ZMAT1: variants seen among roughly 807,000 people sequenced by gnomAD.
ZMAT1 encodes zinc finger matrin-type protein 1.
A neutral mutation model predicts 18.5 loss-of-function variants in ZMAT1; 11 were observed. That is an observed-to-expected ratio of 0.59 (90% CI 0.37 to 0.98). ZMAT1 has a LOEUF of 0.98. Ranked by LOEUF, ZMAT1 falls within the 50% of genes least tolerant of loss-of-function variation. ZMAT1 has a pLI of 0.01. For missense variants in ZMAT1, 525 were observed against 496.2 expected (o/e 1.06, Z -0.55); for synonymous variants, 211 against 176.4 (o/e 1.20, Z -1.55).
chrX:101,895,427 G>A (rs1927728133), intron 4 of ZMAT1, among the ~76,000 whole-genome samples: 1 of 111,113 alleles, frequency 9.0e-6, no homozygotes, highest in Non-Finnish European at 1.9e-5. Context: ...CCTAGGAAAT[G>A]AACAGATCAA....
chrX:101,923,234 T>C (rs781423917), intron 1 of ZMAT1, among the ~76,000 whole-genome samples: 1 of 111,917 alleles, frequency 8.9e-6, no homozygotes, highest in Non-Finnish European at 1.9e-5. Context: ...TTTATACTGA[T>C]TCTTAATTCC....
rs766632977 is a variant in ZMAT1 at position 101,931,904 on chromosome X, T to C, written c.105A>G (p.Ala35=). The change falls in exon 1 of 6, where the codon GCA becomes GCG. Residue 35 remains alanine, a synonymous_variant. Transcript: ENST00000651725. ...ASSSSYTACA[A]AAAAAAAAAV... is the part of the protein sequence containing the mutation. ...CCGCCGCCGCCGCCGCCGCCGCCGCTGCCGCGCAGGCGGTGTAGGAGGAGG... is the reference window on the plus strand; with the variant it reads ...CCGCCGCCGCCGCCGCCGCCGCCGCCGCCGCGCAGGCGGTGTAGGAGGAGG... 21 of 796,590 alleles carry C rather than the reference T, an allele frequency of 2.6e-5. No homozygotes were observed. Among genetic ancestry groups the C allele is most frequent in the South Asian group, 1.9e-4 (4 of 20,932 alleles). The allele number at this position is 796,590 out of a possible 1,213,427, so 65.6% of individuals were successfully genotyped here.
intron 1 of ZMAT1, among the ~76,000 whole-genome samples, chrX:101,913,636 G>A (rs774826992): frequency 5.4e-4 from 60 of 111,678 alleles, no homozygotes; most frequent in Middle Eastern, 4.6e-3. Context: ...GCCAGAGGGA[G>A]GACATAACAA....
intron 1 of ZMAT1, 113 bp from the exon 2 acceptor site, chrX:101,904,443 G>C (rs1928461310): frequency 7.3e-6 from 4 of 548,489 alleles, no homozygotes; most frequent in Non-Finnish European, 1.1e-5. Context: ...TTGAGTGCTT[G>C]TGAGGCTACA....
chrX:101,884,353 A>G lies in ZMAT1; in HGVS notation c.1245T>C (p.His415=), dbSNP rs376194900. 9.1e-6 allele frequency: 11 copies of G among 1,209,109 alleles called. No homozygotes were observed. The African/African-American group carries it at 1.9e-4, about 21-fold the overall frequency. The part of the protein sequence containing the change: ...RSRMCEQRFS[H]EASQTYQRPY... ...GTCGTTGGTAGGTCTGGGAAGCCTC[A>G]TGTGAAAATCTTTGCTCACACATTC... The change falls in exon 6 of 6, where the codon CAT becomes CAC. Residue 415 remains histidine, a synonymous_variant. Coordinates refer to ENST00000651725, the MANE Select transcript of ZMAT1 (RefSeq NM_001394560.1).
intron 1 of ZMAT1, among the ~76,000 whole-genome samples, chrX:101,924,331 C>T (rs1929924707): frequency 9.0e-6 from 1 of 111,342 alleles, no homozygotes; most frequent in Admixed American, 9.6e-5. Flanking sequence ...AGGCTGGTCT[C>T]GAACTCTTGA....
In ZMAT1 at chrX:101,911,976, T is replaced by G. The variant is rs1291182721; in HGVS notation, c.293-7646A>C. On this transcript the variant is annotated intron_variant, in intron 1 of 5. Coordinates refer to ENST00000651725, the MANE Select transcript of ZMAT1 (RefSeq NM_001394560.1). Reference sequence around the variant, plus strand: ...ACCCACCTCACTCAGCACCGGAGGATCCACACAGGAGAGAAGCCATATGTG... The same window carrying G: ...ACCCACCTCACTCAGCACCGGAGGAGCCACACAGGAGAGAAGCCATATGTG... 2.5e-6 allele frequency: 3 copies of G among 1,199,206 alleles called. No homozygotes were observed. In the African/African-American group the frequency reaches 5.3e-5, roughly 21 times the overall value.
In ZMAT1 at chrX:101,931,839, G is replaced by T; in HGVS notation, c.170C>A (p.Ala57Asp). ...VPASSATSAP[A>D]CPPAGGCGDG... ...GCCACAGCCACCGGCAGGCGGGCAG[G>T]CAGGGGCGGAGGTGGCGGAGGAGGC... The change falls in exon 1 of 6, where the codon GCC becomes GAC. Residue 57 changes from alanine to aspartate, a missense_variant. By Grantham distance (126) the Ala-to-Asp change is moderately radical (BLOSUM62 -2). Coordinates refer to ENST00000651725, the MANE Select transcript of ZMAT1 (RefSeq NM_001394560.1). 1 of 787,497 alleles carries T rather than the reference G, an allele frequency of 1.3e-6. No homozygotes were observed. The highest frequency in any genetic ancestry group is 1.5e-6 in the Non-Finnish European group (1 of 663,626). 64.9% of individuals were successfully genotyped at this position (787,497 alleles called of 1,213,427 possible).
At chrX:101,906,858 C>T (rs1342376131) in intron 1 of ZMAT1, among the ~76,000 whole-genome samples, 1 of 111,188 alleles carries the variant, frequency 9.0e-6, no homozygotes, top group African/African-American at 3.3e-5. Flanking sequence ...ACAAGTTCCA[C>T]ACTGGTCTCA....
intron 1 of ZMAT1, among the ~76,000 whole-genome samples, chrX:101,919,331 C>T (rs989938510): frequency 9.0e-6 from 1 of 111,312 alleles, no homozygotes; most frequent in African/African-American, 3.3e-5. Context: ...GACCTTAAGA[C>T]AAATGTGCAA....
rs199545217 is a variant in ZMAT1, at chrX:101,886,806, C to A, written c.677-75G>T. On this transcript the variant is annotated intron_variant, in intron 4 of 5. Coordinates refer to ENST00000651725, the MANE Select transcript of ZMAT1 (RefSeq NM_001394560.1). ...GAATCACATAATGTTAGAACTGGAC[C>A]AAAAATTTATTAGAGACCATCTACT... The A allele has an allele frequency of 2.0e-6, 1 of 490,147 alleles. No homozygotes were observed. The highest frequency in any genetic ancestry group is 2.8e-6 in the Non-Finnish European group (1 of 357,409). The allele number at this position is 490,147 out of a possible 1,213,427, so 40.4% of individuals were successfully genotyped here.
At chrX:101,930,065 A>G (rs1930384513) in intron 1 of ZMAT1, among the ~76,000 whole-genome samples, 1 of 111,832 alleles carries the variant, frequency 8.9e-6, no homozygotes. Context: ...TATTGCTCCT[A>G]CTTTATGAAA....
In ZMAT1 at chrX:101,926,059, G is replaced by A. The variant is rs188375135; in HGVS notation, c.292+5658C>T. ...AGGTAATAGGAATTAAAGAATTGAG[G>A]GAGGTAAACTGTAAAACATGATTCT... On this transcript the variant is annotated intron_variant, in intron 1 of 5. Transcript: ENST00000651725. Among the ~76,000 whole-genome samples, 270 of 112,118 alleles carry A rather than the reference G, an allele frequency of 2.4e-3. 2 individuals carry two copies. Among genetic ancestry groups the A allele is most frequent in the African/African-American group, 8.6e-3 (265 of 30,906 alleles).
In ZMAT1 at chrX:101,914,637, A is replaced by T. The variant is rs184046104; in HGVS notation, c.293-10307T>A. ...TTCCTTGATAGATACAGCTTACTGA[A>T]ATTGAACCAGGAAGAAATCCAGAAC... On this transcript the variant is annotated intron_variant, in intron 1 of 5. Coordinates refer to ENST00000651725, the MANE Select transcript of ZMAT1 (RefSeq NM_001394560.1). 2.0e-3 allele frequency among the ~76,000 whole-genome samples: 224 copies of T among 111,656 alleles called. 1 individual carries two copies. The Middle Eastern group carries it at 0.037, about 18-fold the overall frequency.
intron 1 of ZMAT1, chrX:101,931,414 G>A (rs1209288363): frequency 1.3e-6 from 1 of 746,312 alleles, no homozygotes; most frequent in East Asian, 1.5e-4. Flanking sequence ...CTGGCTGGGA[G>A]AGAAATTATG....
At chrX:101,888,331 C>T (rs904524786) in intron 4 of ZMAT1, 15 of 111,281 alleles carry the variant, frequency 1.3e-4, no homozygotes, top group African/African-American at 4.9e-4. Flanking sequence ...TTCGTACCAT[C>T]TTTTACAGGT....
In ZMAT1 at chrX:101,886,643, T is replaced by C. The variant is rs763384874; in HGVS notation, c.765A>G (p.Glu255=). The change falls in exon 5 of 6, where the codon GAA becomes GAG. Residue 255 remains glutamate (E), a synonymous_variant. Transcript: ENST00000651725. ...DMFRSHMQGS[E]HQIKESIVIN... ...GCAAAAATACTTACTTAATTTGATG[T>C]TCACTTCCTTGCATGTGGGACCGGA... The C allele has an allele frequency of 2.3e-5, 28 of 1,200,392 alleles. No individual in the cohort carries two copies. In the South Asian group the frequency reaches 5.1e-4, roughly 22 times the overall value.
intron 1 of ZMAT1, chrX:101,918,483 C>CACACACACACACACAA (rs758997318): frequency 1.0e-5 from 1 of 98,462 alleles, no homozygotes; most frequent in African/African-American, 3.7e-5. Context: ...CACACACACA[C>CACACACACACACACAA]AAAAATTAGC....
chrX:101,883,951 G>A lies in ZMAT1; in HGVS notation c.1647C>T (p.Phe549=). The change falls in exon 6 of 6, where the codon TTC becomes TTT. Residue 549 remains phenylalanine (F), a synonymous_variant. Coordinates refer to ENST00000651725, the MANE Select transcript of ZMAT1 (RefSeq NM_001394560.1). ...ISYCQLTRDC[F]PEKPVPLSLN... is the part of the protein sequence containing the mutation. ...GGCTCAAGGGTACTGGTTTTTCTGG[G>A]AAACAGTCTCTGGTGAGTTGACAGT... The A allele has an allele frequency of 8.3e-7, 1 of 1,210,550 alleles. No individual in the cohort carries two copies. The highest frequency in any genetic ancestry group is 1.1e-6 in the Non-Finnish European group (1 of 895,122).
Sources: allele counts gnomAD v4.1 joint callset (sites outside exome capture counted in the v4.1 genomes callset), GRCh38; gene constraint gnomAD v4.1.1; transcripts MANE v1.5; gene names NCBI Gene and HGNC (gene_info 2026-07-23, HGNC 2026-07-21).